Variants in ERCC6L2 observed in about 807,000 individuals in gnomAD.
The protein encoded by ERCC6L2 is ERCC excision repair 6 like 2.
Under a neutral mutation model 132.0 loss-of-function variants are expected in ERCC6L2, and 77 were observed. The ratio of observed to expected loss-of-function variants is 0.58; its 90% CI spans 0.49 to 0.71. The LOEUF (loss-of-function observed/expected upper bound fraction) is 0.71, where lower values mean the gene tolerates loss of function less well. Among genes scored for constraint, ERCC6L2 ranks in the 30% least tolerant of loss-of-function variants. ERCC6L2 has a pLI of 0.00. For synonymous variants in ERCC6L2, 583 were observed against 632.4 expected, an observed-to-expected ratio of 0.92 and a Z score of 1.17; for missense variants, 1,542 against 1,837.6, an observed-to-expected ratio of 0.84 and a Z score of 2.94.
chr9:95,906,409 T>C (rs1182974052), intron 3 of ERCC6L2, among the ~76,000 whole-genome samples: 1 of 152,144 alleles, frequency 6.6e-6, no homozygotes, highest in Admixed American at 6.6e-5. Flanking sequence ...GACTTTAGGT[T>C]GGCAAGAAGG....
chr9:95,958,988 A>G (rs1831759973), intron 13 of ERCC6L2, among the ~76,000 whole-genome samples: 1 of 151,418 alleles, frequency 6.6e-6, no homozygotes, highest in Non-Finnish European at 1.5e-5. Flanking sequence ...ATCCCCATCA[A>G]GCTACCAATG....
At chr9:95,965,895 T>G (rs1587991641) in intron 13 of ERCC6L2, among the ~76,000 whole-genome samples, 1 of 152,374 alleles carries the variant, frequency 6.6e-6, no homozygotes, top group South Asian at 2.1e-4. Flanking sequence ...TTTCAAGGAA[T>G]TTTAAAGTAC....
chr9:95,907,859 C>A (rs12340826), intron 4 of ERCC6L2, among the ~76,000 whole-genome samples: 53,276 of 112,138 alleles, frequency 0.48, 10,458 homozygotes, highest in East Asian at 0.63. Context: ...ACACACACCC[C>A]CACACCCACA....
intron 2 of ERCC6L2, among the ~76,000 whole-genome samples, chr9:95,881,746 T>A (rs1827608343): frequency 6.6e-6 from 1 of 152,264 alleles, no homozygotes; most frequent in South Asian, 2.1e-4. Context: ...CTAGCAGTTC[T>A]GTTTGTGAAC....
chr9:95,978,450 C>T (rs1455668289), intron 17 of ERCC6L2, among the ~76,000 whole-genome samples: 1 of 152,130 alleles, frequency 6.6e-6, no homozygotes, highest in Non-Finnish European at 1.5e-5. Context: ...AATAGTTTCT[C>T]TCAATAAAAA....
intron 4 of ERCC6L2, among the ~76,000 whole-genome samples, chr9:95,911,439 T>C (rs1228743089): frequency 2.6e-5 from 4 of 152,136 alleles, no homozygotes; most frequent in African/African-American, 9.7e-5. Flanking sequence ...CTGATTGTTA[T>C]AAATATTGTT....
intron 19 of ERCC6L2, among the ~76,000 whole-genome samples, chr9:96,030,929 C>T (rs1193244211): frequency 6.6e-6 from 1 of 152,178 alleles, no homozygotes; most frequent in East Asian, 1.9e-4. Context: ...CAGGCTTTCC[C>T]CTCCCTGGTG....
At chr9:96,004,900 G>A in intron 18 of ERCC6L2, 199 bp downstream of exon 18, 1 of 333,578 alleles carries the variant, frequency 3.0e-6, no homozygotes, top group South Asian at 2.6e-5. Flanking sequence ...CCATAAAAAG[G>A]GAAATCATGT....
At chr9:95,988,255 A>G (rs1007474782) in intron 17 of ERCC6L2, among the ~76,000 whole-genome samples, 6 of 152,264 alleles carry the variant, frequency 3.9e-5, no homozygotes, top group Admixed American at 6.5e-5. Flanking sequence ...GGCATTAGAT[A>G]AGACAAATAC....
chr9:95,890,920 A>C (rs531604717), intron 2 of ERCC6L2, among the ~76,000 whole-genome samples: 1 of 152,246 alleles, frequency 6.6e-6, no homozygotes, highest in South Asian at 2.1e-4. Context: ...TCTGCCTCCT[A>C]AAGTGCTGGG....
At chr9:96,036,345 T>A (rs1834518708) in intron 19 of ERCC6L2, among the ~76,000 whole-genome samples, 1 of 152,258 alleles carries the variant, frequency 6.6e-6, no homozygotes, top group South Asian at 2.1e-4. Flanking sequence ...TCCTCAAGGT[T>A]CATCCATGTC....
rs902542080 is a variant in ERCC6L2, at chr9:95,875,703, G to C, written c.-336G>C. On this transcript the variant is annotated 5_prime_UTR_variant, in exon 1 of 19. Coordinates refer to ENST00000653738, the MANE Select transcript of ERCC6L2 (RefSeq NM_020207.7). Reference sequence around the variant, plus strand: ...GGAGACGGAAGTCAGAGCCTAGGAAGATTTGGGGGTCGCCTTGCCGGCCTC... The same window carrying C: ...GGAGACGGAAGTCAGAGCCTAGGAACATTTGGGGGTCGCCTTGCCGGCCTC... 5.9e-5 allele frequency: 24 copies of C among 409,772 alleles called. No homozygotes were observed. Among genetic ancestry groups the C allele is most frequent in the Non-Finnish European group, 4.5e-6 (1 of 224,244 alleles). 25.4% of individuals were successfully genotyped at this position (409,772 alleles called of 1,614,324 possible).
chr9:95,967,161 T>TATTTTAAA (rs1832196794), intron 14 of ERCC6L2: 1 of 152,368 alleles, frequency 6.6e-6, no homozygotes, highest in African/African-American at 2.4e-5. Flanking sequence ...TCCACACCAG[T>TATTTTAAA]ATTTTAAACT....
intron 3 of ERCC6L2, among the ~76,000 whole-genome samples, chr9:95,902,439 C>A (rs56329850): frequency 0.091 from 13,788 of 151,282 alleles, 737 homozygotes; most frequent in Admixed American, 0.14. Context: ...GACAATTTAA[C>A]AAAAATATTT....
At chr9:95,966,246 A>C (rs1473015346) in intron 13 of ERCC6L2, among the ~76,000 whole-genome samples, 1 of 152,208 alleles carries the variant, frequency 6.6e-6, no homozygotes, top group Non-Finnish European at 1.5e-5. Context: ...TAAAAGGAGA[A>C]AAGTATATTC....
chr9:96,036,968 G>A (rs368485272), intron 19 of ERCC6L2, among the ~76,000 whole-genome samples: 5,067 of 150,974 alleles, frequency 0.034, 115 homozygotes, highest in East Asian at 0.15. Flanking sequence ...GGGTTTCACC[G>A]TTTTAGCCGG....
intron 3 of ERCC6L2, among the ~76,000 whole-genome samples, chr9:95,905,611 A>G (rs2132649910): frequency 6.6e-6 from 1 of 152,348 alleles, no homozygotes; most frequent in African/African-American, 2.4e-5. Flanking sequence ...AATGGAAATC[A>G]TAGGATTAAC....
chr9:95,936,630 C>T lies in ERCC6L2; in HGVS notation c.1752-4824C>T, dbSNP rs74821939. ...ATAATACAGAATGATCCCATGCACT[C>T]TTTACCCAGTTCCCCCAATGTAATA... On this transcript the variant is annotated intron_variant, in intron 11 of 18. Coordinates refer to ENST00000653738, the MANE Select transcript of ERCC6L2 (RefSeq NM_020207.7). Among the ~76,000 whole-genome samples the T allele has an allele frequency of 3.6e-3, 553 of 152,312 alleles. 2 individuals are homozygous for T. Among genetic ancestry groups the T allele is most frequent in the African/African-American group, 0.013 (527 of 41,574 alleles).
intron 14 of ERCC6L2, 104 bp downstream of exon 14, chr9:95,966,818 G>T: frequency 2.0e-6 from 2 of 1,002,366 alleles, no homozygotes; most frequent in African/African-American, 1.7e-5. Context: ...AGAAACTTTT[G>T]GTTTTCTTTA....
Sources: allele counts gnomAD v4.1 joint callset (sites outside exome capture counted in the v4.1 genomes callset), GRCh38; gene constraint gnomAD v4.1.1; transcripts MANE v1.5; gene names NCBI Gene and HGNC (gene_info 2026-07-23, HGNC 2026-07-21).